Variants in CNTNAP2 observed in about 807,000 individuals in gnomAD.
CNTNAP2 encodes contactin associated protein 2.
Under a neutral mutation model 155.2 loss-of-function variants are expected in CNTNAP2, and 98 were observed. That is an observed-to-expected ratio of 0.63 (90% CI 0.54 to 0.75). The LOEUF (loss-of-function observed/expected upper bound fraction) is 0.75, where lower values mean the gene tolerates loss of function less well. Among genes scored for constraint, CNTNAP2 ranks in the 30% least tolerant of loss-of-function variants. The pLI is 0.00. For synonymous variants in CNTNAP2, 651 were observed against 631.2 expected (o/e 1.03, Z -0.47); for missense variants, 1,727 against 1,688.1 (o/e 1.02, Z -0.40).
chr7:146,727,302 A>T (rs2533090), intron 1 of CNTNAP2, among the ~76,000 whole-genome samples: 46,882 of 152,110 alleles, frequency 0.31, 13,522 homozygotes, highest in African/African-American at 0.77. Flanking sequence ...ACTGACTCAC[A>T]GAAGCTTAGG....
At chr7:147,029,978 A>G (rs531716145) in intron 3 of CNTNAP2, among the ~76,000 whole-genome samples, 1 of 152,322 alleles carries the variant, frequency 6.6e-6, no homozygotes, top group Non-Finnish European at 1.5e-5. Flanking sequence ...AGAGTATATC[A>G]TCATATTTGC....
intron 9 of CNTNAP2, among the ~76,000 whole-genome samples, chr7:147,354,020 A>C (rs1796016473): frequency 6.6e-6 from 1 of 151,608 alleles, no homozygotes. Flanking sequence ...AGTTCCTTGT[A>C]GATTCTGGAT....
chr7:146,747,681 C>A (rs1801832192), intron 1 of CNTNAP2, among the ~76,000 whole-genome samples: 1 of 152,122 alleles, frequency 6.6e-6, no homozygotes, highest in Non-Finnish European at 1.5e-5. Flanking sequence ...TTAGTTAGGG[C>A]ATTTTTAAAT....
chr7:148,340,659 G>T (rs17170957), intron 21 of CNTNAP2, among the ~76,000 whole-genome samples: 18,181 of 152,174 alleles, frequency 0.12, 1,742 homozygotes, highest in East Asian at 0.49. Flanking sequence ...TTTCTGAATA[G>T]GTGTCATTTC....
At chr7:147,221,750 G>A (rs918800897) in intron 8 of CNTNAP2, among the ~76,000 whole-genome samples, 6 of 152,154 alleles carry the variant, frequency 3.9e-5, no homozygotes, top group Non-Finnish European at 8.8e-5. Flanking sequence ...AAATGACTTA[G>A]GATGTTTTGC....
chr7:146,226,186 T>C (rs1397127599), intron 1 of CNTNAP2, among the ~76,000 whole-genome samples: 2 of 152,184 alleles, frequency 1.3e-5, no homozygotes, highest in African/African-American at 4.8e-5. Context: ...ATTACTAGTC[T>C]TACCCAACAT....
rs199528714 is a variant in CNTNAP2, at chr7:148,062,028, AGTGTGTGTGTGT to A, written c.2384-56053_2384-56042del. ...ATAGATGATAGAGAGAGAGAGAGAG[AGTGTGTGTGTGT>A]GTGTGTGTGTGTGTGTGTGTGTGTG... On this transcript the variant is annotated intron_variant, in intron 15 of 23. Coordinates refer to ENST00000361727, the MANE Select transcript of CNTNAP2 (RefSeq NM_014141.6). 8.2e-3 allele frequency among the ~76,000 whole-genome samples: 864 copies of A among 105,932 alleles called. 15 individuals carry two copies. The highest frequency in any genetic ancestry group is 9.6e-3 in the Middle Eastern group (2 of 208). The allele number at this position is 105,932 out of a possible 152,430, so 69.5% of individuals were successfully genotyped here. A position where few individuals can be genotyped will look rare whatever the true frequency, so the allele number is the denominator to read the frequency against.
intron 11 of CNTNAP2, among the ~76,000 whole-genome samples, chr7:147,559,958 C>T (rs915110454): frequency 2.8e-4 from 42 of 151,342 alleles, no homozygotes; most frequent in Admixed American, 3.3e-4. Context: ...CACCTGAGGT[C>T]GGGAATTCGA....
At chr7:147,144,260 A>G (rs185570508) in intron 8 of CNTNAP2, among the ~76,000 whole-genome samples, 70 of 152,324 alleles carry the variant, frequency 4.6e-4, no homozygotes, top group Middle Eastern at 6.8e-3. Flanking sequence ...GAAAAACATA[A>G]ACTTTAGAGT....
At chr7:146,735,334 C>T (rs1801594107) in intron 1 of CNTNAP2, among the ~76,000 whole-genome samples, 1 of 152,082 alleles carries the variant, frequency 6.6e-6, no homozygotes, top group Non-Finnish European at 1.5e-5. Flanking sequence ...GGGCAGATGA[C>T]GAGGTCAGGA....
At chr7:147,352,254 A>G (rs539274813) in intron 9 of CNTNAP2, among the ~76,000 whole-genome samples, 1 of 152,132 alleles carries the variant, frequency 6.6e-6, no homozygotes, top group African/African-American at 2.4e-5. Flanking sequence ...TGCAATGACT[A>G]TAATGTAACA....
chr7:148,102,437 G>C (rs1044761705), intron 15 of CNTNAP2, among the ~76,000 whole-genome samples: 1 of 152,156 alleles, frequency 6.6e-6, no homozygotes, highest in Admixed American at 6.5e-5. Flanking sequence ...ATGCACATTT[G>C]TGTGCAGGTG....
intron 1 of CNTNAP2, among the ~76,000 whole-genome samples, chr7:146,580,624 C>T (rs1352011484): frequency 1.3e-5 from 2 of 152,018 alleles, no homozygotes; most frequent in African/African-American, 4.8e-5. Context: ...GGCCCACACT[C>T]CTGTAAGTGT....
rs1179680091 is a variant in CNTNAP2, at chr7:148,415,673, G to A, written c.*57G>A. On this transcript the variant is annotated 3_prime_UTR_variant, in exon 24 of 24. Coordinates refer to ENST00000361727, the MANE Select transcript of CNTNAP2 (RefSeq NM_014141.6). ...AGGGAATTACTAGGGAGGAGAGAAA[G>A]GGACAAAAGCACCCTGCTTCATACT... 1.3e-6 allele frequency: 2 copies of A among 1,599,336 alleles called. No homozygotes were observed. The highest frequency in any genetic ancestry group is 2.7e-5 in the African/African-American group (2 of 74,210).
At chr7:147,680,611 A>G (rs149056795) in intron 13 of CNTNAP2, among the ~76,000 whole-genome samples, 2,491 of 151,960 alleles carry the variant, frequency 0.016, 222 homozygotes, top group Admixed American at 0.15. Context: ...AGTTATACAA[A>G]AGTATTTCAA....
At chr7:147,027,625 T>A (rs1798948098) in intron 3 of CNTNAP2, among the ~76,000 whole-genome samples, 1 of 152,204 alleles carries the variant, frequency 6.6e-6, no homozygotes, top group African/African-American at 2.4e-5. Context: ...GATTTTCATT[T>A]AAAAAGATTT....
At chr7:148,332,178 A>C (rs1029906595) in intron 21 of CNTNAP2, among the ~76,000 whole-genome samples, 6 of 150,792 alleles carry the variant, frequency 4.0e-5, no homozygotes, top group East Asian at 3.9e-4. Flanking sequence ...AAAAAAAAAA[A>C]AAACCTATAA....
chr7:148,280,232 C>T (rs1000179671), intron 21 of CNTNAP2, among the ~76,000 whole-genome samples: 4 of 151,828 alleles, frequency 2.6e-5, no homozygotes, highest in East Asian at 1.9e-4. Flanking sequence ...TGCTTGAGCC[C>T]GGGAGACAGA....
At chr7:147,920,958 C>A (rs539174642) in intron 14 of CNTNAP2, among the ~76,000 whole-genome samples, 68 of 151,860 alleles carry the variant, frequency 4.5e-4, no homozygotes, top group African/African-American at 1.6e-3. Context: ...TACAGGCACC[C>A]GCCACCACGC....
Sources: allele counts gnomAD v4.1 joint callset (sites outside exome capture counted in the v4.1 genomes callset), GRCh38; gene constraint gnomAD v4.1.1; transcripts MANE v1.5; gene names NCBI Gene and HGNC (gene_info 2026-07-23, HGNC 2026-07-21).